MDGA2: variants seen among roughly 807,000 people sequenced by gnomAD.
MDGA2 encodes the protein MAM domain-containing glycosylphosphatidylinositol anchor protein 2.
Under a neutral mutation model 117.8 loss-of-function variants are expected in MDGA2, and 40 were observed. The ratio of observed to expected loss-of-function variants is 0.34; its 90% CI spans 0.26 to 0.44. The LOEUF is 0.44. MDGA2 is among the 20% of genes least tolerant of loss of function. The probability of loss-of-function intolerance (pLI) is 1.00; values close to 1 mark genes in which losing one functional copy is unlikely to be tolerated. For synonymous variants in MDGA2, 452 were observed against 439.0 expected (o/e 1.03, Z -0.37); for missense variants, 1,123 against 1,250.6 (o/e 0.90, Z 1.54).
chr14:46,857,390 GT>G (rs142269394), intron 14 of MDGA2, among the ~76,000 whole-genome samples: 5,410 of 151,716 alleles, frequency 0.036, 334 homozygotes, highest in African/African-American at 0.12. Flanking sequence ...ATTCAGGCGG[GT>G]TTTTTTTCCA....
At chr14:47,612,007 A>C (rs1464533718) in intron 1 of MDGA2, among the ~76,000 whole-genome samples, 1 of 152,190 alleles carries the variant, frequency 6.6e-6, no homozygotes, top group African/African-American at 2.4e-5. Flanking sequence ...ATACCACAGA[A>C]TCACAAGTTT....
intron 8 of MDGA2, among the ~76,000 whole-genome samples, chr14:47,017,894 A>C (rs1263496920): frequency 2.0e-5 from 3 of 152,196 alleles, no homozygotes; most frequent in Non-Finnish European, 4.4e-5. Context: ...GTTTGCTTAG[A>C]TATTTTTATT....
chr14:47,305,050 C>T (rs1889399200), intron 1 of MDGA2, among the ~76,000 whole-genome samples: 2 of 152,134 alleles, frequency 1.3e-5, no homozygotes, highest in African/African-American at 4.8e-5. Flanking sequence ...TCATTTTTGG[C>T]ATCATCCCCA....
chr14:47,511,648 CCT>C (rs1894643312), intron 1 of MDGA2, among the ~76,000 whole-genome samples: 1 of 152,022 alleles, frequency 6.6e-6, no homozygotes, highest in Admixed American at 6.6e-5. Context: ...CTTATATTTT[CCT>C]GAGTATAAAA....
At chr14:47,105,971 CTAG>C (rs1566627462) in intron 5 of MDGA2, among the ~76,000 whole-genome samples, 4 of 1,090 alleles carry the variant, frequency 3.7e-3, no homozygotes, top group East Asian at 0.5. Flanking sequence ...CGTTCCGTGA[CTAG>C]CCGACTAGCC....
chr14:47,293,952 G>A (rs1888974551), intron 2 of MDGA2, among the ~76,000 whole-genome samples: 2 of 152,056 alleles, frequency 1.3e-5, no homozygotes, highest in Admixed American at 6.6e-5. Flanking sequence ...AAGACTATAA[G>A]GAAGACTGTA....
At chr14:47,057,547 C>T (rs1311831344) in intron 7 of MDGA2, among the ~76,000 whole-genome samples, 2 of 152,000 alleles carry the variant, frequency 1.3e-5, no homozygotes, top group Non-Finnish European at 2.9e-5. Context: ...TCACATATAT[C>T]ATAGTTTTTA....
In MDGA2 at chr14:47,488,110, T is replaced by C. The variant is rs143023491; in HGVS notation, c.280+186407A>G. On this transcript the variant is annotated intron_variant, in intron 1 of 16. Coordinates refer to ENST00000399232, the MANE Select transcript of MDGA2 (RefSeq NM_001113498.3). The stretch of plus-strand genomic sequence containing the variant: ...CTTGTTTTCGACCCTGGTTAGATCA[T>C]TGGGCATTTTAAGTTTAAATGAATA... Among the ~76,000 whole-genome samples the C allele has an allele frequency of 4.7e-3, 721 of 152,246 alleles. 5 individuals are homozygous for C. The highest frequency in any genetic ancestry group is 0.017 in the African/African-American group (687 of 41,548).
chr14:47,032,607 T>C lies in MDGA2; in HGVS notation c.1819+2404A>G, dbSNP rs561095590. Among the ~76,000 whole-genome samples, 12 of 152,220 alleles carry C rather than the reference T, an allele frequency of 7.9e-5. No individual in the cohort carries two copies. In the South Asian group the frequency reaches 2.1e-3, roughly 26 times the overall value. ...ACCCTGTCTCTTAAAAAAATCACTA[T>C]AAAAGTTAGACTGTTTTTCAATTTA... On this transcript the variant is annotated intron_variant, in intron 8 of 16. Transcript: ENST00000399232.
intron 3 of MDGA2, among the ~76,000 whole-genome samples, chr14:47,160,111 A>T (rs999570015): frequency 6.6e-6 from 1 of 152,118 alleles, no homozygotes; most frequent in African/African-American, 2.4e-5. Flanking sequence ...ACCATTGAAT[A>T]CTCATTCTTC....
intron 3 of MDGA2, among the ~76,000 whole-genome samples, chr14:47,169,630 T>C (rs1268424866): frequency 1.3e-5 from 2 of 152,024 alleles, no homozygotes; most frequent in Admixed American, 6.6e-5. Context: ...CATGAATTTA[T>C]GGATCTAATT....
chr14:47,177,445 T>A (rs1385561376), intron 3 of MDGA2, among the ~76,000 whole-genome samples: 1 of 152,124 alleles, frequency 6.6e-6, no homozygotes, highest in Admixed American at 6.5e-5. Context: ...ATGTGGCACA[T>A]AGACACCATG....
chr14:47,148,388 T>G (rs1163830855), intron 3 of MDGA2, among the ~76,000 whole-genome samples: 1 of 152,168 alleles, frequency 6.6e-6, no homozygotes, highest in Non-Finnish European at 1.5e-5. Flanking sequence ...ATAATGGTCA[T>G]TGATTTAGAA....
chr14:47,101,612 A>G (rs1406507661), intron 5 of MDGA2, among the ~76,000 whole-genome samples: 2 of 152,184 alleles, frequency 1.3e-5, no homozygotes, highest in African/African-American at 4.8e-5. Context: ...ACAATGGTGG[A>G]ATGGAGGGAG....
intron 10 of MDGA2, among the ~76,000 whole-genome samples, chr14:46,915,799 C>A (rs534121332): frequency 6.6e-6 from 1 of 152,134 alleles, no homozygotes; most frequent in Non-Finnish European, 1.5e-5. Context: ...GAAAAATAAA[C>A]CACATCCAAT....
At chr14:47,051,932 C>T (rs1889472796) in intron 7 of MDGA2, among the ~76,000 whole-genome samples, 1 of 151,824 alleles carries the variant, frequency 6.6e-6, no homozygotes, top group African/African-American at 2.4e-5. Context: ...TCTATCTTCT[C>T]CTCTAATAAA....
intron 6 of MDGA2, among the ~76,000 whole-genome samples, chr14:47,061,860 A>T (rs1192826362): frequency 6.6e-6 from 1 of 152,062 alleles, no homozygotes. Context: ...GTCTATGTGC[A>T]ATTATACTTA....
At chr14:47,540,037 C>T (rs766180458) in intron 1 of MDGA2, among the ~76,000 whole-genome samples, 10 of 151,860 alleles carry the variant, frequency 6.6e-5, no homozygotes, top group African/African-American at 1.2e-4. Context: ...TTTTTTGAGA[C>T]GGAGTCTCGC....
chr14:47,427,754 TTC>T (rs1892720464), intron 1 of MDGA2, among the ~76,000 whole-genome samples: 1 of 151,782 alleles, frequency 6.6e-6, no homozygotes, highest in Non-Finnish European at 1.5e-5. Context: ...TAGCAAATCT[TTC>T]TCTCTTAGAA....
Sources: gnomAD v4.1 joint callset for allele counts (sites outside exome capture counted in the v4.1 genomes callset) on GRCh38, gnomAD v4.1.1 for gene constraint, MANE v1.5 for transcripts, NCBI Gene and HGNC (gene_info 2026-07-23, HGNC 2026-07-21) for gene names.